The following MMP3 variants were observed in gnomAD, a reference collection of about 807,000 sequenced individuals.
MMP3 encodes stromelysin-1.
A neutral mutation model predicts 47.3 loss-of-function variants in MMP3; 46 were observed. That is an observed-to-expected ratio of 0.97 (90% confidence interval 0.77 to 1.24). The LOEUF (loss-of-function observed/expected upper bound fraction) is 1.24. Ranked by LOEUF, MMP3 falls within the 50% of genes most tolerant of loss-of-function variation. MMP3 has a pLI of 0.00. For synonymous variants in MMP3, 216 were observed against 206.5 expected, an observed-to-expected ratio of 1.05 and a Z score of -0.39; for missense variants, 558 against 565.5, an observed-to-expected ratio of 0.99 and a Z score of 0.13.
chr11:102,838,969 G>T, intron 7 of MMP3, 141 bp downstream of exon 7: 1 of 906,282 alleles, frequency 1.1e-6, no homozygotes, highest in Non-Finnish European at 1.7e-6. Context: ...TAAATACAAT[G>T]ATATCAGCCC....
rs868925152 is a variant in MMP3 at position 102,836,195 on chromosome 11, C to T, written c.1365G>A (p.Gln455=). 4 of 1,613,868 alleles carry T rather than the reference C, an allele frequency of 2.5e-6. No individual in the cohort carries two copies. The highest frequency in any genetic ancestry group is 3.4e-6 in the Non-Finnish European group (4 of 1,179,808). ...GFFYFFTGSS[Q]LEFDPNAKKV... ...TCTTTGCATTTGGGTCAAACTCCAA[C>T]TGTGAAGATCCAGTAAAGAAATAAA... The change falls in exon 10 of 10, where the codon CAG becomes CAA. Residue 455 remains glutamine (Q), a synonymous_variant. Coordinates refer to ENST00000299855, the MANE Select transcript of MMP3 (RefSeq NM_002422.5). This position sits in a 1 kb window ranked among gnomAD's most constrained non-coding sequence, Gnocchi z 4.6.
In MMP3 at chr11:102,839,143, C is replaced by T; in HGVS notation, c.1036G>A (p.Val346Ile). The change falls in exon 7 of 10, where the codon GTT (valine) becomes ATT (isoleucine). Residue 346 changes from valine to isoleucine, a missense_variant. Transcript: ENST00000299855. Reference sequence around the variant, plus strand: ...ATGAAAACGAGGTCCTTGCTAGTAACTTCATATGCGGCATCCACGCCTGAA... The same window carrying T: ...ATGAAAACGAGGTCCTTGCTAGTAATTTCATATGCGGCATCCACGCCTGAA... ...LPSGVDAAYE[V>I]TSKDLVFIFK... 1.2e-6 allele frequency: 2 copies of T among 1,614,048 alleles called. No individual in the cohort carries two copies. Among genetic ancestry groups the T allele is most frequent in the Non-Finnish European group, 1.7e-6 (2 of 1,179,968 alleles).
Position 102,836,412 on chromosome 11 carries a change from G to A in MMP3, c.1334-186C>T, listed in dbSNP as rs1316452475. On this transcript the variant is annotated intron_variant, in intron 9 of 9. Coordinates refer to ENST00000299855, the MANE Select transcript of MMP3 (RefSeq NM_002422.5). This position sits in a 1 kb window ranked among gnomAD's most constrained non-coding sequence, Gnocchi z 4.6. The stretch of plus-strand genomic sequence containing the variant: ...ATTTATTTCTGCAACAACCCTATGA[G>A]GTTGTATGTCTAACTCCATTTACAG... The A allele has an allele frequency of 7.6e-6, 5 of 661,276 alleles. No individual in the cohort carries two copies. Among genetic ancestry groups the A allele is most frequent in the Non-Finnish European group, 1.4e-5 (5 of 350,906 alleles). The allele number at this position is 661,276 out of a possible 1,614,324, so 41.0% of individuals were successfully genotyped here. A position where few individuals can be genotyped will look rare whatever the true frequency, so the allele number is the denominator to read the frequency against.
In MMP3 at chr11:102,839,381, T is replaced by C. The variant is rs530410324; in HGVS notation, c.936-138A>G. ...GGATGACAGATAGAAATCAGGTATA[T>C]TGCCATTAGAAAATTTCTTTCCTTT... On this transcript the variant is annotated intron_variant, in intron 6 of 9. Coordinates refer to ENST00000299855, the MANE Select transcript of MMP3 (RefSeq NM_002422.5). 6 of 975,768 alleles carry C rather than the reference T, an allele frequency of 6.1e-6. No individual in the cohort carries two copies. The South Asian group carries it at 7.9e-5, about 13-fold the overall frequency. 60.4% of individuals were successfully genotyped at this position (975,768 alleles called of 1,614,324 possible).
chr11:102,842,428 T>TTA lies in MMP3; in HGVS notation c.499+2_499+3insTA, dbSNP rs782544169. Reference sequence around the variant, plus strand: ...GCTTTTTTTTTTTTTTTTTTTTTTTTACCTCTAACTGCAAAAGAGATCATT... The same window carrying TTA: ...GCTTTTTTTTTTTTTTTTTTTTTTTTTAACCTCTAACTGCAAAAGAGATCATT... On this transcript the variant is annotated splice_region_variant and intron_variant, in intron 3 of 9. Transcript: ENST00000299855. 3.9e-6 allele frequency: 5 copies of TTA among 1,268,796 alleles called. No homozygotes were observed. Among genetic ancestry groups the TTA allele is most frequent in the Non-Finnish European group, 4.4e-6 (4 of 907,620 alleles). The allele number at this position is 1,268,796 out of a possible 1,614,324, so 78.6% of individuals were successfully genotyped here.
chr11:102,839,825 A>T (rs1043612580), intron 6 of MMP3, among the ~76,000 whole-genome samples: 6 of 152,188 alleles, frequency 3.9e-5, no homozygotes, highest in Admixed American at 6.5e-5. Flanking sequence ...AAATAAAATT[A>T]TTATTCGAAA....
At position 102,842,404 on chromosome 11, in the gene MMP3, C is replaced by CTTTTTTTTTTTTTT. The variant is rs11418340; in HGVS notation, c.499+13_499+26dup. ...GTGTTTTTTGTTTTGTTTTGTTTTG[C>CTTTTTTTTTTTTTT]TTTTTTTTTTTTTTTTTTTTTTTTA... On this transcript the variant is annotated intron_variant, in intron 3 of 9. Transcript: ENST00000299855. 75 of 813,340 alleles carry CTTTTTTTTTTTTTT rather than the reference C, an allele frequency of 9.2e-5. 2 individuals are homozygous for CTTTTTTTTTTTTTT. Among genetic ancestry groups the CTTTTTTTTTTTTTT allele is most frequent in the South Asian group, 5.5e-4 (20 of 36,132 alleles). The allele number at this position is 813,340 out of a possible 1,614,324, so 50.4% of individuals were successfully genotyped here.
chr11:102,843,422 G>A lies in MMP3; in HGVS notation c.105+20C>T, dbSNP rs782517376. ...ACTCTGGAAGCTCCCCACCTGGCCA[G>A]GTCAGTTAGTGTTAATTACCTGAAC... On this transcript the variant is annotated intron_variant, in intron 1 of 9. Coordinates refer to ENST00000299855, the MANE Select transcript of MMP3 (RefSeq NM_002422.5). 43 of 1,586,046 alleles carry A rather than the reference G, an allele frequency of 2.7e-5. No homozygotes were observed. The Admixed American group carries it at 5.9e-4, about 22-fold the overall frequency.
Position 102,836,307 on chromosome 11 carries a change from A to C in MMP3, c.1334-81T>G. ...CAATATACAAAACTCAGAATCATAG[A>C]GAACTAAAAATAGAAAGTGTTTATA... is the stretch of plus-strand genomic sequence containing the variant. On this transcript the variant is annotated intron_variant, in intron 9 of 9. Coordinates refer to ENST00000299855, the MANE Select transcript of MMP3 (RefSeq NM_002422.5). The surrounding 1 kb of genome is among the most constrained non-coding windows in gnomAD (Gnocchi z 4.6). The C allele has an allele frequency of 9.3e-7, 1 of 1,076,172 alleles. No homozygotes were observed. Among genetic ancestry groups the C allele is most frequent in the Non-Finnish European group, 1.4e-6 (1 of 706,992 alleles). 66.7% of individuals were successfully genotyped at this position (1,076,172 alleles called of 1,614,324 possible). A position where few individuals can be genotyped will look rare whatever the true frequency, so the allele number is the denominator to read the frequency against.
rs539243624 is a variant in MMP3 at position 102,837,360 on chromosome 11, T to C, written c.1271A>G (p.Lys424Arg). ...KRNSMEPGFP[K>R]QIAEDFPGID... Reference sequence around the variant, plus strand: ...CCCTGGAAAGTCTTCAGCTATTTGCTTGGGAAAGCCTGGCTCCATGGAATT... The same window carrying C: ...CCCTGGAAAGTCTTCAGCTATTTGCCTGGGAAAGCCTGGCTCCATGGAATT... The change falls in exon 9 of 10, where the codon AAG becomes AGG. Residue 424 changes from lysine (K) to arginine (R), a missense_variant. Coordinates refer to ENST00000299855, the MANE Select transcript of MMP3 (RefSeq NM_002422.5). This position sits in a 1 kb window ranked among gnomAD's most constrained non-coding sequence, Gnocchi z 4.4. 5 of 1,613,632 alleles carry C rather than the reference T, an allele frequency of 3.1e-6. No individual in the cohort carries two copies. Among genetic ancestry groups the C allele is most frequent in the African/African-American group, 2.7e-5 (2 of 75,042 alleles).
In MMP3 at chr11:102,843,510, CCACG is replaced by C. The variant is rs1555005952; in HGVS notation, c.33_36del (p.Cys11TrpfsTer20). The C allele has an allele frequency of 1.9e-5, 31 of 1,613,586 alleles. No homozygotes were observed. The highest frequency in any genetic ancestry group is 2.6e-5 in the Non-Finnish European group (31 of 1,179,752). ...TCCAATGGATAGGCTGAGCAAACTG[CCACG>C]CACAGCAACAGTAGGATTGGAAGAC... On this transcript the variant is annotated frameshift_variant, in exon 1 of 10. Coordinates refer to ENST00000299855, the MANE Select transcript of MMP3 (RefSeq NM_002422.5). LOFTEE classifies it high-confidence loss of function.
At position 102,839,097 on chromosome 11, in the gene MMP3, A is replaced by G. The variant is rs1165080030; in HGVS notation, c.1069+13T>C. 3 of 1,605,774 alleles carry G rather than the reference A, an allele frequency of 1.9e-6. No individual in the cohort carries two copies. The highest frequency in any genetic ancestry group is 1.1e-5 in the South Asian group (1 of 89,484). On this transcript the variant is annotated intron_variant, in intron 7 of 9. Transcript: ENST00000299855. The stretch of plus-strand genomic sequence containing the variant: ...ACTTTGGCAAGTTAAACAAATGATG[A>G]TATAGTAATTACCTTTAAAAATGAA...
intron 1 of MMP3, among the ~76,000 whole-genome samples, 183 bp from the exon 2 acceptor site, chr11:102,843,099 G>T (rs1228719769): frequency 8.4e-6 from 1 of 118,472 alleles, no homozygotes; most frequent in Non-Finnish European, 1.7e-5. Context: ...AAATTACGTT[G>T]CATTAAAAAA....
At chr11:102,840,010 G>T in intron 6 of MMP3, 98 bp downstream of exon 6, 1 of 1,322,276 alleles carries the variant, frequency 7.6e-7, no homozygotes. Context: ...AAACGTTTTT[G>T]TTTTAAATGT....
chr11:102,842,381 GTTTT>G (rs782470855), intron 3 of MMP3, 46 bp downstream of exon 3: 1 of 1,278,646 alleles, frequency 7.8e-7, no homozygotes, highest in Non-Finnish European at 1.0e-6. Context: ...CATTTCATGT[GTTTT>G]TTGTTTTGTT....
chr11:102,842,935 T>C lies in MMP3; in HGVS notation c.106-19A>G, dbSNP rs1859036731. On this transcript the variant is annotated intron_variant, in intron 1 of 9. Coordinates refer to ENST00000299855, the MANE Select transcript of MMP3 (RefSeq NM_002422.5). ...GATATTTCTAACAGAATAAGTATAGTTTTTAGGTCACTCTTACAATTTTTA... is the reference window on the plus strand; with the variant it reads ...GATATTTCTAACAGAATAAGTATAGCTTTTAGGTCACTCTTACAATTTTTA... 1.3e-6 allele frequency: 2 copies of C among 1,559,928 alleles called. No individual in the cohort carries two copies. Among genetic ancestry groups the C allele is most frequent in the African/African-American group, 2.7e-5 (2 of 72,804 alleles).
At chr11:102,842,403 G>GCTTTTTTTTTTTTTTTTTTTTTTTTT (rs1859018152) in intron 3 of MMP3, 28 bp downstream of exon 3, 2 of 918,450 alleles carry the variant, frequency 2.2e-6, no homozygotes, top group Non-Finnish European at 2.7e-6. Flanking sequence ...GTTTTGTTTT[G>GCTTTTTTTTTTTTTTTTTTTTTTTTT]CTTTTTTTTT....
At chr11:102,838,486 C>G in intron 8 of MMP3, 65 bp downstream of exon 8, 1 of 1,533,474 alleles carries the variant, frequency 6.5e-7, no homozygotes. Flanking sequence ...TGGGGGATTT[C>G]CTTAGTAAAA....
intron 7 of MMP3, 81 bp from the exon 8 acceptor site, chr11:102,838,791 T>G: frequency 6.9e-7 from 1 of 1,441,884 alleles, no homozygotes; most frequent in Non-Finnish European, 9.4e-7. Context: ...TTTAGCATCT[T>G]TGATTTTCAT....
Sources: gnomAD v4.1 joint callset for allele counts (sites outside exome capture counted in the v4.1 genomes callset) on GRCh38, gnomAD v4.1.1 for gene constraint, Gnocchi (gnomAD v3.1) non-coding constraint, MANE v1.5 for transcripts, NCBI Gene and HGNC (gene_info 2026-07-23, HGNC 2026-07-21) for gene names.